DGKB: variants seen among roughly 807,000 people sequenced by gnomAD.
DGKB encodes diacylglycerol kinase beta.
Under a neutral mutation model 114.3 loss-of-function variants are expected in DGKB, and 67 were observed. The observed-to-expected ratio is 0.59, with a 90% CI of 0.48 to 0.72. DGKB has a LOEUF of 0.72. Ranked by LOEUF, DGKB falls within the 30% of genes least tolerant of loss-of-function variation. The pLI is 0.00. For synonymous variants in DGKB, 398 were observed against 323.1 expected (o/e 1.23, Z -2.49); for missense variants, 907 against 975.2 (o/e 0.93, Z 0.93).
At chr7:14,909,900 C>A (rs568347302) in intron 1 of DGKB, among the ~76,000 whole-genome samples, 1 of 151,946 alleles carries the variant, frequency 6.6e-6, no homozygotes, top group Admixed American at 6.6e-5. Flanking sequence ...TTTAATGATG[C>A]TTTAAATAAT....
chr7:14,886,394 A>C lies in DGKB; in HGVS notation c.-188+16198T>G, dbSNP rs75008798. Among the ~76,000 whole-genome samples, 1,355 of 151,924 alleles carry C rather than the reference A, an allele frequency of 8.9e-3. 61 individuals carry two copies. The East Asian group carries it at 0.15, about 17-fold the overall frequency. On this transcript the variant is annotated intron_variant, in intron 1 of 25. Transcript: ENST00000402815. ...CTAGTAGGAGATGAGGACGGCTCAA[A>C]AGTCCTTCATATTCAACATGTTTAA...
chr7:14,418,271 T>TAC (rs1193776267), intron 21 of DGKB, among the ~76,000 whole-genome samples: 11 of 142,710 alleles, frequency 7.7e-5, no homozygotes, highest in East Asian at 6.0e-4. Flanking sequence ...TATGTATATA[T>TAC]ATTTTATATA....
chr7:14,382,901 G>A (rs1403840803), intron 21 of DGKB, among the ~76,000 whole-genome samples: 1 of 152,166 alleles, frequency 6.6e-6, no homozygotes, highest in Admixed American at 6.5e-5. Context: ...AACAGAAGGT[G>A]AGGAAGGGGC....
intron 23 of DGKB, among the ~76,000 whole-genome samples, chr7:14,323,483 G>A (rs1249768678): frequency 6.6e-6 from 1 of 152,182 alleles, no homozygotes; most frequent in Non-Finnish European, 1.5e-5. Flanking sequence ...GGAATCGGAG[G>A]AGATGGGGTG....
At chr7:14,220,944 AT>A (rs969580021) in intron 23 of DGKB, among the ~76,000 whole-genome samples, 250 of 150,876 alleles carry the variant, frequency 1.7e-3, no homozygotes, top group African/African-American at 4.3e-3. Context: ...CTATAATAAA[AT>A]TTTTTTTTAA....
At chr7:14,445,318 G>C (rs1830584334) in intron 21 of DGKB, among the ~76,000 whole-genome samples, 1 of 151,762 alleles carries the variant, frequency 6.6e-6, no homozygotes, top group African/African-American at 2.4e-5. Context: ...TAATCCAAGA[G>C]CTGCTACATT....
At chr7:14,201,069 G>T (rs1025823251) in intron 23 of DGKB, among the ~76,000 whole-genome samples, 1 of 151,998 alleles carries the variant, frequency 6.6e-6, no homozygotes, top group East Asian at 1.9e-4. Flanking sequence ...AAACTGGATC[G>T]CATATAAACA....
chr7:14,164,726 C>T (rs1312353902), intron 25 of DGKB, among the ~76,000 whole-genome samples: 1 of 151,978 alleles, frequency 6.6e-6, no homozygotes, highest in African/African-American at 2.4e-5. Flanking sequence ...AAATACTGTC[C>T]CACTGTAGAA....
chr7:14,294,747 T>C (rs935736774), intron 23 of DGKB, among the ~76,000 whole-genome samples: 3 of 152,186 alleles, frequency 2.0e-5, no homozygotes, highest in African/African-American at 4.8e-5. Context: ...TCAAAGATTA[T>C]TGAATATATT....
chr7:14,445,384 A>G (rs1464150450), intron 21 of DGKB, among the ~76,000 whole-genome samples: 1 of 151,962 alleles, frequency 6.6e-6, no homozygotes, highest in Non-Finnish European at 1.5e-5. Context: ...GCAAAAGTCA[A>G]TTGATATTGA....
At chr7:14,662,265 A>T (rs1817281107) in intron 13 of DGKB, among the ~76,000 whole-genome samples, 1 of 148,084 alleles carries the variant, frequency 6.8e-6, no homozygotes, top group Admixed American at 6.6e-5. Context: ...AGGGGCTAGA[A>T]ATCCAGTTTA....
intron 16 of DGKB, among the ~76,000 whole-genome samples, chr7:14,608,214 T>C (rs1386186530): frequency 6.6e-6 from 1 of 151,860 alleles, no homozygotes; most frequent in African/African-American, 2.4e-5. Context: ...AAGAGATAAA[T>C]AGTACATCAA....
chr7:14,916,727 A>T (rs182619165), intron 1 of DGKB, among the ~76,000 whole-genome samples: 175 of 152,248 alleles, frequency 1.1e-3, no homozygotes, highest in African/African-American at 4.0e-3. Context: ...AGCTATTGAC[A>T]GCTCCAACAG....
chr7:14,633,303 G>T (rs554411269), intron 13 of DGKB, among the ~76,000 whole-genome samples: 1 of 151,926 alleles, frequency 6.6e-6, no homozygotes, highest in South Asian at 2.1e-4. Context: ...GACCCAGCTG[G>T]AGCTAGAAGT....
At chr7:14,683,175 G>A (rs957908481) in intron 10 of DGKB, among the ~76,000 whole-genome samples, 2 of 152,124 alleles carry the variant, frequency 1.3e-5, no homozygotes, top group African/African-American at 4.8e-5. Flanking sequence ...CAAATGGCTT[G>A]GTGTCATTTG....
chr7:14,482,421 T>C (rs916077152), intron 20 of DGKB, among the ~76,000 whole-genome samples: 1 of 152,070 alleles, frequency 6.6e-6, no homozygotes, highest in African/African-American at 2.4e-5. Context: ...TGATAAATTA[T>C]CTAACAAACT....
intron 21 of DGKB, among the ~76,000 whole-genome samples, chr7:14,468,378 G>T (rs1327185172): frequency 3.9e-5 from 6 of 152,080 alleles, no homozygotes; most frequent in Non-Finnish European, 1.5e-5. Context: ...TAGGTGGCAG[G>T]GCTGAACACA....
chr7:14,722,305 G>A (rs2128361409), intron 5 of DGKB, among the ~76,000 whole-genome samples: 1 of 152,100 alleles, frequency 6.6e-6, no homozygotes, highest in Admixed American at 6.6e-5. Flanking sequence ...TTTTCTCCCG[G>A]ATTTTGCCTT....
At chr7:14,829,583 C>T (rs975482935) in intron 2 of DGKB, among the ~76,000 whole-genome samples, 1 of 152,058 alleles carries the variant, frequency 6.6e-6, no homozygotes, top group Non-Finnish European at 1.5e-5. Flanking sequence ...TCAGTGAACA[C>T]TTTAGGAATG....
Sources: gnomAD v4.1 joint callset for allele counts (sites outside exome capture counted in the v4.1 genomes callset) on GRCh38, gnomAD v4.1.1 for gene constraint, MANE v1.5 for transcripts, NCBI Gene and HGNC (gene_info 2026-07-23, HGNC 2026-07-21) for gene names.